Variants in ERI1 observed in about 807,000 individuals in gnomAD.
The protein encoded by ERI1 is 3'-5' exoribonuclease 1.
A neutral mutation model predicts 39.7 loss-of-function variants in ERI1; 39 were observed. The observed-to-expected ratio is 0.98, with a 90% CI of 0.76 to 1.28. ERI1 has a LOEUF of 1.28. Among genes scored for constraint, ERI1 ranks in the 50% most tolerant of loss-of-function variants. ERI1 has a pLI of 0.00. For synonymous variants in ERI1, 204 were observed against 149.6 expected, an observed-to-expected ratio of 1.36 and a Z score of -2.65; for missense variants, 581 against 416.9, an observed-to-expected ratio of 1.39 and a Z score of -3.43.
chr8:9,045,339 G>T (rs1798142716), intron 3 of ERI1, among the ~76,000 whole-genome samples: 1 of 152,016 alleles, frequency 6.6e-6, no homozygotes, highest in South Asian at 2.1e-4. Context: ...TGTAGGGTAG[G>T]GACTTCCCCA....
intron 3 of ERI1, among the ~76,000 whole-genome samples, chr8:9,039,496 T>C (rs1166685469): frequency 1.3e-5 from 2 of 152,164 alleles, no homozygotes; most frequent in Non-Finnish European, 2.9e-5. Flanking sequence ...CTTTTGTAAA[T>C]GATTAGTGAA....
intron 3 of ERI1, among the ~76,000 whole-genome samples, chr8:9,014,902 A>T (rs370073580): frequency 6.6e-6 from 1 of 152,134 alleles, no homozygotes; most frequent in Non-Finnish European, 1.5e-5. Context: ...CAGTGGCTCA[A>T]TCTCGGCTCA....
intron 3 of ERI1, among the ~76,000 whole-genome samples, chr8:9,097,597 C>A: frequency 1.4e-5 from 2 of 146,542 alleles, no homozygotes; most frequent in Middle Eastern, 3.7e-3. Flanking sequence ...TGAACCAGGG[C>A]GGCAGAAGTT....
Position 9,020,460 on chromosome 8 carries a change from A to T in ERI1, c.803A>T (p.Tyr268Phe). The T allele has an allele frequency of 6.3e-7, 1 of 1,575,678 alleles. No homozygotes were observed. Among genetic ancestry groups the T allele is most frequent in the South Asian group, 1.2e-5 (1 of 85,604 alleles). The change falls in exon 6 of 7, where the codon TAC becomes TTC. Residue 268 changes from tyrosine to phenylalanine, a missense_variant. Coordinates refer to ENST00000250263, the MANE Select transcript of ERI1 (RefSeq NM_153332.4). ...INIRKSYGNF[Y>F]KVPRSQTKLT... ...ATTCGGAAGTCATATGGAAATTTTT[A>T]CAAGGTAAAATTTCTATATTTAATA...
At chr8:9,048,497 CT>C (rs1294820958) in intron 3 of ERI1, 1 of 154,368 alleles carries the variant, frequency 6.5e-6, no homozygotes, top group Non-Finnish European at 1.5e-5. Flanking sequence ...TTTCCTCCAT[CT>C]CCCCCAGGGC....
chr8:9,083,566 C>T (rs1197237352), intron 3 of ERI1, among the ~76,000 whole-genome samples: 1 of 151,952 alleles, frequency 6.6e-6, no homozygotes, highest in Non-Finnish European at 1.5e-5. Context: ...ATCAATACTG[C>T]CTCATGATGC....
chr8:9,020,207 G>A (rs926111818), intron 5 of ERI1, 143 bp from the exon 6 acceptor site: 14 of 487,670 alleles, frequency 2.9e-5, no homozygotes, highest in African/African-American at 1.2e-4. Context: ...GTATTTTGTA[G>A]GAAGCAAGGT....
chr8:9,064,375 T>A (rs1798802268), intron 3 of ERI1, among the ~76,000 whole-genome samples: 1 of 151,896 alleles, frequency 6.6e-6, no homozygotes, highest in African/African-American at 2.4e-5. Context: ...CGTCCTTGAG[T>A]GGTCAGACAC....
chr8:9,043,295 G>C (rs1483154542), intron 3 of ERI1, among the ~76,000 whole-genome samples: 1 of 152,192 alleles, frequency 6.6e-6, no homozygotes, highest in African/African-American at 2.4e-5. Context: ...TGTGTATGCA[G>C]CACCCTCCCC....
intron 3 of ERI1, among the ~76,000 whole-genome samples, chr8:9,096,580 A>T (rs1450735828): frequency 6.6e-6 from 1 of 151,922 alleles, no homozygotes; most frequent in Non-Finnish European, 1.5e-5. Flanking sequence ...CTTGGGGCTG[A>T]CCTCGGAAGT....
intron 3 of ERI1, among the ~76,000 whole-genome samples, chr8:9,044,078 T>C (rs754539385): frequency 6.6e-6 from 1 of 152,216 alleles, no homozygotes; most frequent in Admixed American, 6.5e-5. Flanking sequence ...GCTCCCAATT[T>C]TCCTTACAAA....
At chr8:9,004,183 T>C in intron 1 of ERI1, 6 of 1,288,714 alleles carry the variant, frequency 4.7e-6, no homozygotes, top group Non-Finnish European at 6.1e-6. Context: ...GCAATTATCT[T>C]TCTCCTTCTA....
chr8:9,061,757 T>C (rs2117399151), intron 3 of ERI1, among the ~76,000 whole-genome samples: 1 of 151,974 alleles, frequency 6.6e-6, no homozygotes, highest in Middle Eastern at 3.4e-3. Flanking sequence ...AGGTAACAGA[T>C]GAGGAAGACA....
In ERI1 at chr8:9,083,198, T is replaced by G. The variant is rs1799420784; in HGVS notation, n.300-33150T>G. On this transcript the variant is annotated intron_variant and non_coding_transcript_variant, in intron 3 of 3. Transcript: ENST00000518663. Reference sequence around the variant, plus strand: ...GTGCATTTGTCAGGGGGAAGCAAAGTCAATGACTGTGGCAATAATCCCTTA... The same window carrying G: ...GTGCATTTGTCAGGGGGAAGCAAAGGCAATGACTGTGGCAATAATCCCTTA... Among the ~76,000 whole-genome samples, 4 of 152,212 alleles carry G rather than the reference T, an allele frequency of 2.6e-5. No individual in the cohort carries two copies. The South Asian group carries it at 8.3e-4, about 32-fold the overall frequency.
chr8:9,021,732 G>A (rs1222968849), intron 6 of ERI1, among the ~76,000 whole-genome samples: 1 of 144,394 alleles, frequency 6.9e-6, no homozygotes, highest in Non-Finnish European at 1.5e-5. Context: ...CTTTGAGCAC[G>A]ATATAATTAG....
At chr8:9,072,774 C>G (rs900637272) in intron 3 of ERI1, among the ~76,000 whole-genome samples, 1 of 152,118 alleles carries the variant, frequency 6.6e-6, no homozygotes, top group Non-Finnish European at 1.5e-5. Context: ...AGTGACCCCC[C>G]ACCCCACTCC....
intron 3 of ERI1, among the ~76,000 whole-genome samples, chr8:9,013,058 A>T (rs1247219112): frequency 6.6e-6 from 1 of 151,344 alleles, no homozygotes. Flanking sequence ...TCTTGTACCC[A>T]GACTTGAGTG....
chr8:9,061,492 A>C (rs184035254), intron 3 of ERI1, among the ~76,000 whole-genome samples: 2 of 152,342 alleles, frequency 1.3e-5, no homozygotes, highest in African/African-American at 4.8e-5. Flanking sequence ...GTGATTTTAA[A>C]GGTCTCTGAA....
At chr8:9,025,693 C>CTTT (rs35325273) in intron 6 of ERI1, among the ~76,000 whole-genome samples, 5 of 149,706 alleles carry the variant, frequency 3.3e-5, no homozygotes, top group African/African-American at 1.2e-4. Flanking sequence ...TCATTTTAAT[C>CTTT]TTTTTTTTTT....
Sources: allele counts gnomAD v4.1 joint callset (sites outside exome capture counted in the v4.1 genomes callset), GRCh38; gene constraint gnomAD v4.1.1; transcripts MANE v1.5; gene names NCBI Gene and HGNC (gene_info 2026-07-23, HGNC 2026-07-21).